CSNK2A2IP: variants seen among roughly 807,000 people sequenced by gnomAD.
CSNK2A2IP encodes casein kinase II subunit alpha'-interacting protein.
At chr3:88,435,745 T>C in the CSNK2A2IP span, among the ~76,000 whole-genome samples, 2 of 151,820 alleles carry the variant, frequency 1.3e-5, no homozygotes, top group Admixed American at 6.6e-5. Context: ...TGGTGAGGAT[T>C]TGTAGTAACT....
At chr3:88,362,952 G>T in the CSNK2A2IP span, among the ~76,000 whole-genome samples, 1 of 152,138 alleles carries the variant, frequency 6.6e-6, no homozygotes, top group Non-Finnish European at 1.5e-5. Context: ...TGCAGCTAAC[G>T]TTTTTCCCTC....
chr3:88,370,484 TG>T, the CSNK2A2IP span, among the ~76,000 whole-genome samples: 5 of 151,776 alleles, frequency 3.3e-5, no homozygotes, highest in Non-Finnish European at 7.4e-5. Flanking sequence ...TGATAGTTTT[TG>T]TTATTCAGCA....
chr3:88,393,285 T>C, the CSNK2A2IP span, among the ~76,000 whole-genome samples: 1 of 152,262 alleles, frequency 6.6e-6, no homozygotes, highest in Non-Finnish European at 1.5e-5. Flanking sequence ...CATTTTTTGA[T>C]GTCAACTTGT....
chr3:88,342,110 G>A, the CSNK2A2IP span, among the ~76,000 whole-genome samples: 1 of 151,936 alleles, frequency 6.6e-6, no homozygotes, highest in Admixed American at 6.6e-5. Flanking sequence ...GTCTGGTATA[G>A]TAAATAATAT....
the CSNK2A2IP span, among the ~76,000 whole-genome samples, chr3:88,442,703 A>G: frequency 1.3e-5 from 2 of 152,020 alleles, no homozygotes; most frequent in Non-Finnish European, 2.9e-5. Context: ...TCTTCCCAAG[A>G]TCATAGAGCT....
chr3:88,462,977 G>T, the CSNK2A2IP span, among the ~76,000 whole-genome samples: 1 of 152,232 alleles, frequency 6.6e-6, no homozygotes, highest in South Asian at 2.1e-4. Flanking sequence ...AAAAACAAGT[G>T]AATTATGGTA....
the CSNK2A2IP span, among the ~76,000 whole-genome samples, chr3:88,441,420 T>G: frequency 6.6e-6 from 1 of 152,126 alleles, no homozygotes; most frequent in African/African-American, 2.4e-5. Context: ...CTACATTAAC[T>G]GATTTTGAGG....
chr3:88,463,061 A>G, the CSNK2A2IP span, among the ~76,000 whole-genome samples: 1 of 152,206 alleles, frequency 6.6e-6, no homozygotes, highest in Non-Finnish European at 1.5e-5. Context: ...CATAAAGAGA[A>G]ATTTCTAGCA....
the CSNK2A2IP span, among the ~76,000 whole-genome samples, chr3:88,369,955 C>T: frequency 1.3e-3 from 194 of 151,854 alleles, no homozygotes; most frequent in Middle Eastern, 3.4e-3. Flanking sequence ...ACAGACAAGG[C>T]GGAGGCCACC....
chr3:88,376,945 G>C, the CSNK2A2IP span, among the ~76,000 whole-genome samples: 1 of 151,648 alleles, frequency 6.6e-6, no homozygotes, highest in African/African-American at 2.4e-5. Context: ...ATGATACAGT[G>C]TTCTGATTTG....
At chr3:88,410,038 T>C in the CSNK2A2IP span, among the ~76,000 whole-genome samples, 1 of 152,084 alleles carries the variant, frequency 6.6e-6, no homozygotes, top group African/African-American at 2.4e-5. Context: ...TGAGAAATCC[T>C]AGCTGGACTA....
At chr3:88,365,882 C>T in the CSNK2A2IP span, among the ~76,000 whole-genome samples, 14 of 151,984 alleles carry the variant, frequency 9.2e-5, no homozygotes, top group African/African-American at 3.1e-4. Context: ...CCCTGTAATA[C>T]CATTTTAACT....
At chr3:88,365,415 T>C in the CSNK2A2IP span, among the ~76,000 whole-genome samples, 5 of 152,332 alleles carry the variant, frequency 3.3e-5, no homozygotes, top group South Asian at 2.1e-4. Context: ...GAATTTTTTG[T>C]ACTTTGTCAT....
At chr3:88,457,130 T>A in the CSNK2A2IP span, among the ~76,000 whole-genome samples, 1 of 152,304 alleles carries the variant, frequency 6.6e-6, no homozygotes, top group East Asian at 1.9e-4. Flanking sequence ...CAATATAGAA[T>A]ACCATTTTGC....
At chr3:88,420,320 A>G in the CSNK2A2IP span, among the ~76,000 whole-genome samples, 2 of 152,140 alleles carry the variant, frequency 1.3e-5, no homozygotes, top group Non-Finnish European at 2.9e-5. Flanking sequence ...TTAATACTAT[A>G]CCCATTTATC....
chr3:88,354,562 A>G, the CSNK2A2IP span, among the ~76,000 whole-genome samples: 1 of 152,188 alleles, frequency 6.6e-6, no homozygotes, highest in African/African-American at 2.4e-5. Flanking sequence ...CATAGTACAC[A>G]GGTGAGTGGT....
At chr3:88,458,141 G>GTTTTTT in the CSNK2A2IP span, among the ~76,000 whole-genome samples, 1 of 83,306 alleles carries the variant, frequency 1.2e-5, no homozygotes, top group Non-Finnish European at 2.2e-5. Flanking sequence ...TGTAATTGTG[G>GTTTTTT]TTTTTTTTTT....
the CSNK2A2IP span, among the ~76,000 whole-genome samples, chr3:88,379,501 C>A: frequency 6.6e-6 from 1 of 152,154 alleles, no homozygotes; most frequent in Admixed American, 6.6e-5. Flanking sequence ...TGCTTCATAT[C>A]ATAATGTCCT....
chr3:88,365,933 T>C, the CSNK2A2IP span, among the ~76,000 whole-genome samples: 1 of 152,160 alleles, frequency 6.6e-6, no homozygotes, highest in East Asian at 1.9e-4. Context: ...TGATGTACTC[T>C]TTTAAGGGGG....
Sources: allele counts gnomAD v4.1 joint callset (sites outside exome capture counted in the v4.1 genomes callset), GRCh38; gene constraint gnomAD v4.1.1; transcripts MANE v1.5; gene names NCBI Gene and HGNC (gene_info 2026-07-23, HGNC 2026-07-21).